Variants in PIK3C2A observed in about 807,000 individuals in gnomAD.
PIK3C2A encodes phosphatidylinositol-4-phosphate 3-kinase catalytic subunit type 2 alpha.
PIK3C2A carries 97 observed loss-of-function variants against 204.5 expected under a neutral mutation model. That is an observed-to-expected ratio of 0.47 (90% CI 0.40 to 0.56). The LOEUF (loss-of-function observed/expected upper bound fraction) is 0.56. Ranked by LOEUF, PIK3C2A falls within the 20% of genes least tolerant of loss-of-function variation. The pLI is 0.00. For missense variants in PIK3C2A, 1,735 were observed against 1,969.2 expected (o/e 0.88, Z 2.25); for synonymous variants, 653 against 664.4 (o/e 0.98, Z 0.26).
At chr11:17,108,142 G>T (rs1039402674) in intron 22 of PIK3C2A, among the ~76,000 whole-genome samples, 3 of 152,230 alleles carry the variant, frequency 2.0e-5, no homozygotes, top group African/African-American at 4.8e-5. Context: ...AAAGTGCTGG[G>T]ATTACAGGCA....
intron 25 of PIK3C2A, 85 bp from the exon 26 acceptor site, chr11:17,100,054 C>G (rs1590902061): frequency 1.4e-6 from 1 of 703,514 alleles, no homozygotes. Context: ...CTCAAGTAAT[C>G]AGAACTAAAG....
At chr11:17,133,993 C>CG (rs1234110113) in intron 11 of PIK3C2A, among the ~76,000 whole-genome samples, 3 of 151,778 alleles carry the variant, frequency 2.0e-5, no homozygotes, top group Non-Finnish European at 4.4e-5. Flanking sequence ...GACATTTGCT[C>CG]TGTTTTCCTG....
At chr11:17,100,669 C>G (rs1259645182) in intron 25 of PIK3C2A, among the ~76,000 whole-genome samples, 1 of 152,132 alleles carries the variant, frequency 6.6e-6, no homozygotes, top group East Asian at 1.9e-4. Context: ...CATCTCCCAT[C>G]CACCATCCCC....
At chr11:17,199,261 T>C (rs1473879930) in intron 1 of PIK3C2A, among the ~76,000 whole-genome samples, 1 of 152,210 alleles carries the variant, frequency 6.6e-6, no homozygotes, top group Non-Finnish European at 1.5e-5. Flanking sequence ...AGTGGAACCC[T>C]GATACTTTGC....
At chr11:17,193,874 A>AGGGGAGGGGAGGGGAGGGG (rs1565305818) in intron 1 of PIK3C2A, 1 of 111,054 alleles carries the variant, frequency 9.0e-6, no homozygotes, top group Non-Finnish European at 1.4e-5. Flanking sequence ...AAAGAAAAGA[A>AGGGGAGGGGAGGGGAGGGG]AAGAAAAGAA....
intron 28 of PIK3C2A, among the ~76,000 whole-genome samples, chr11:17,092,665 C>T (rs1848342838): frequency 1.3e-5 from 2 of 152,182 alleles, no homozygotes; most frequent in South Asian, 4.1e-4. Context: ...AAGTCTCCGT[C>T]TCAAAATAAA....
Position 17,122,349 on chromosome 11 carries a change from G to A in PIK3C2A, c.2512-16C>T. On this transcript the variant is annotated splice_polypyrimidine_tract_variant and intron_variant, in intron 14 of 32. Coordinates refer to ENST00000691414, the MANE Select transcript of PIK3C2A (RefSeq NM_002645.4). ...GAAAATCAACCTTTAAAATTTAACA[G>A]AAATTGATCAAATTACAGTCTACGT... 1 of 1,474,580 alleles carries A rather than the reference G, an allele frequency of 6.8e-7. No individual in the cohort carries two copies. Among genetic ancestry groups the A allele is most frequent in the East Asian group, 2.3e-5 (1 of 42,988 alleles). 91.3% of individuals were successfully genotyped at this position (1,474,580 alleles called of 1,614,324 possible). A position where few individuals can be genotyped will look rare whatever the true frequency, so the allele number is the denominator to read the frequency against.
rs558495428 is a variant in PIK3C2A at position 17,207,910 on chromosome 11, G to A, written c.-128C>T. ...AGCCGCCGAAGCCGCCACAGTCCGAGCCATTTTTCCCCTCAGCTGGCTCAG... is the reference window on the plus strand; with the variant it reads ...AGCCGCCGAAGCCGCCACAGTCCGAACCATTTTTCCCCTCAGCTGGCTCAG... On this transcript the variant is annotated 5_prime_UTR_variant, in exon 1 of 33. Coordinates refer to ENST00000691414, the MANE Select transcript of PIK3C2A (RefSeq NM_002645.4). The A allele has an allele frequency of 1.3e-5, 2 of 152,830 alleles. No homozygotes were observed. The highest frequency in any genetic ancestry group is 3.8e-4 in the East Asian group (2 of 5,196). The allele number at this position is 152,830 out of a possible 1,614,324, so 9.5% of individuals were successfully genotyped here. A position where few individuals can be genotyped will look rare whatever the true frequency, so the allele number is the denominator to read the frequency against.
intron 1 of PIK3C2A, among the ~76,000 whole-genome samples, chr11:17,205,106 G>A (rs1275335677): frequency 1.3e-5 from 2 of 151,848 alleles, no homozygotes; most frequent in Non-Finnish European, 2.9e-5. Context: ...GAACCCAGAA[G>A]GCAAAAGTTT....
Position 17,168,844 on chromosome 11 carries a change from C to A in PIK3C2A, c.898G>T (p.Ala300Ser), listed in dbSNP as rs766412628. 3 of 1,614,084 alleles carry A rather than the reference C, an allele frequency of 1.9e-6. No individual in the cohort carries two copies. The highest frequency in any genetic ancestry group is 2.5e-6 in the Non-Finnish European group (3 of 1,179,982). Reference protein sequence around the residue: ...EEEKNVSSLLAKDPWDAVLLE... With the variant: ...EEEKNVSSLLSKDPWDAVLLE... The stretch of plus-strand genomic sequence containing the variant: ...AGAACAGCATCCCAAGGATCCTTTG[C>A]TAGCAAACTTGAAACATTTTTCTCT... Residue 300 changes from alanine to serine, a missense_variant, in exon 2 of 33, where the codon GCA becomes TCA. By Grantham distance (99) the Ala-to-Ser change is moderately conservative (BLOSUM62 1). Transcript: ENST00000691414.
rs374487181 is a variant in PIK3C2A at position 17,169,635 on chromosome 11, G to T, written c.107C>A (p.Ala36Glu). The T allele has an allele frequency of 8.1e-6, 13 of 1,613,672 alleles. No individual in the cohort carries two copies. The African/African-American group carries it at 1.7e-4, about 22-fold the overall frequency. Residue 36 changes from alanine (A) to glutamate (E), a missense_variant, in exon 2 of 33, where the codon GCA becomes GAA. Ala to Glu is a moderately radical substitution (Grantham distance 107). This residue lies in a region of PIK3C2A where 536 missense variants were observed against 546.7 expected (regional missense o/e 0.98). Coordinates refer to ENST00000691414, the MANE Select transcript of PIK3C2A (RefSeq NM_002645.4). ...CTTTTGCAGTTTTGCTAAAGCCTCT[G>T]CTTCCATCTGTAATGCTTCTTCTTT... The part of the protein sequence containing the change: ...VDKEEALQME[A>E]EALAKLQKDR...
At chr11:17,108,519 G>A (rs768116210) in intron 22 of PIK3C2A, among the ~76,000 whole-genome samples, 2 of 151,978 alleles carry the variant, frequency 1.3e-5, no homozygotes, top group Non-Finnish European at 2.9e-5. Context: ...GGGAGGCTGA[G>A]GCAAGTGGAT....
intron 11 of PIK3C2A, 54 bp downstream of exon 11, chr11:17,134,765 C>T: frequency 7.4e-7 from 1 of 1,349,804 alleles, no homozygotes; most frequent in Non-Finnish European, 1.1e-6. Flanking sequence ...CCTCACAAAG[C>T]CTTGGGATTA....
chr11:17,125,284 T>G (rs1410134001), intron 13 of PIK3C2A, among the ~76,000 whole-genome samples: 1 of 152,138 alleles, frequency 6.6e-6, no homozygotes, highest in Non-Finnish European at 1.5e-5. Flanking sequence ...TTGGAAATAA[T>G]TTTGGTTGTA....
chr11:17,179,057 G>A (rs1851443169), intron 1 of PIK3C2A, among the ~76,000 whole-genome samples: 1 of 152,054 alleles, frequency 6.6e-6, no homozygotes, highest in Admixed American at 6.6e-5. Flanking sequence ...TAGAGATGGG[G>A]TTTCACCACG....
intron 1 of PIK3C2A, chr11:17,194,358 G>A: frequency 3.9e-6 from 1 of 255,700 alleles, no homozygotes; most frequent in East Asian, 7.8e-5. Context: ...ACCTGCCCAG[G>A]CTGCCGTCTG....
At chr11:17,206,621 T>C (rs1025709267) in intron 1 of PIK3C2A, among the ~76,000 whole-genome samples, 1 of 150,560 alleles carries the variant, frequency 6.6e-6, no homozygotes, top group Non-Finnish European at 1.5e-5. Flanking sequence ...ACCCCAACTA[T>C]GGCAGAGCTG....
At chr11:17,206,816 T>C (rs191048602) in intron 1 of PIK3C2A, among the ~76,000 whole-genome samples, 16 of 152,306 alleles carry the variant, frequency 1.1e-4, no homozygotes, top group Non-Finnish European at 2.4e-4. Flanking sequence ...GATGCTACAA[T>C]AGATTTAAAA....
chr11:17,160,536 TAATAACTTTAAGGAC>T (rs1263465906), intron 2 of PIK3C2A, among the ~76,000 whole-genome samples: 2 of 151,686 alleles, frequency 1.3e-5, no homozygotes, highest in Admixed American at 1.3e-4. Context: ...TTTTAAAGAG[TAATAACTTTAAGGAC>T]AGGTGTGGTA....
Sources: allele counts gnomAD v4.1 joint callset (sites outside exome capture counted in the v4.1 genomes callset), GRCh38; gene constraint gnomAD v4.1.1; regional missense constraint gnomAD v4.1.1; transcripts MANE v1.5; gene names NCBI Gene and HGNC (gene_info 2026-07-23, HGNC 2026-07-21).